Variants in SLMAP observed in about 807,000 individuals in gnomAD.
SLMAP encodes the protein sarcolemmal membrane-associated protein.
A neutral mutation model predicts 128.8 loss-of-function variants in SLMAP; 44 were observed. The observed-to-expected ratio is 0.34, with a 90% CI of 0.27 to 0.44. The LOEUF (loss-of-function observed/expected upper bound fraction) is 0.44, where lower values mean the gene tolerates loss of function less well. Ranked by LOEUF, SLMAP falls within the 20% of genes least tolerant of loss-of-function variation. SLMAP has a pLI of 1.00. For missense variants in SLMAP, 787 were observed against 985.3 expected (o/e 0.80, Z 2.69); for synonymous variants, 327 against 348.8 (o/e 0.94, Z 0.70).
At chr3:57,841,745 A>T (rs990025789) in intron 4 of SLMAP, among the ~76,000 whole-genome samples, 1 of 152,118 alleles carries the variant, frequency 6.6e-6, no homozygotes, top group Admixed American at 6.5e-5. Flanking sequence ...CACTTCTGGT[A>T]TTAATGCCAG....
intron 14 of SLMAP, among the ~76,000 whole-genome samples, chr3:57,878,455 A>G (rs1359135961): frequency 6.6e-6 from 1 of 152,086 alleles, no homozygotes; most frequent in Non-Finnish European, 1.5e-5. Context: ...CTTTTAGGTA[A>G]TGTTAACTCA....
At chr3:57,871,164 C>T (rs1221828157) in intron 13 of SLMAP, among the ~76,000 whole-genome samples, 2 of 152,074 alleles carry the variant, frequency 1.3e-5, no homozygotes, top group African/African-American at 4.8e-5. Flanking sequence ...ATATGTAAAA[C>T]TTATTACATC....
chr3:57,860,355 T>C (rs1305151198), intron 8 of SLMAP, among the ~76,000 whole-genome samples: 5 of 152,220 alleles, frequency 3.3e-5, no homozygotes, highest in Non-Finnish European at 5.9e-5. Context: ...GAATGCTTGG[T>C]GCCTTTGAAG....
intron 2 of SLMAP, among the ~76,000 whole-genome samples, chr3:57,774,656 C>T (rs922405447): frequency 5.3e-5 from 8 of 151,878 alleles, no homozygotes; most frequent in Non-Finnish European, 1.0e-4. Context: ...TCCCATGTAG[C>T]GGGCATTACA....
Position 57,928,435 on chromosome 3 carries a change from G to A in SLMAP, c.*1146G>A, listed in dbSNP as rs1576542756. 2 of 152,110 alleles carry A rather than the reference G, an allele frequency of 1.3e-5. No homozygotes were observed. The highest frequency in any genetic ancestry group is 1.9e-4 in the East Asian group (1 of 5,188). 9.4% of individuals were successfully genotyped at this position (152,110 alleles called of 1,614,324 possible). A position where few individuals can be genotyped will look rare whatever the true frequency, so the allele number is the denominator to read the frequency against. On this transcript the variant is annotated 3_prime_UTR_variant, in exon 25 of 25. Transcript: ENST00000671191. ...AAATTTCCTGGTTGGGTATGCAAAT[G>A]GTTATTTTCTTTTTATTGTTGTTAA...
At chr3:57,855,715 AAAAAAAAAAAC>A (rs1019838381) in intron 6 of SLMAP, among the ~76,000 whole-genome samples, 7 of 149,092 alleles carry the variant, frequency 4.7e-5, no homozygotes, top group Admixed American at 6.6e-5. Flanking sequence ...ATCTGTTAAA[AAAAAAAAAAAC>A]AAAAAAAAAA....
chr3:57,859,345 G>A (rs573402209), intron 8 of SLMAP, among the ~76,000 whole-genome samples: 22 of 151,616 alleles, frequency 1.5e-4, no homozygotes, highest in Non-Finnish European at 2.8e-4. Context: ...AAAAAGCGGG[G>A]GCAGTTTGAG....
At chr3:57,829,284 G>GT (rs1381800098) in intron 2 of SLMAP, among the ~76,000 whole-genome samples, 4 of 150,862 alleles carry the variant, frequency 2.7e-5, no homozygotes, top group Non-Finnish European at 5.9e-5. Context: ...TCCATTTTAT[G>GT]TTTTTTTAAA....
chr3:57,843,832 G>C (rs2094106543), intron 4 of SLMAP, among the ~76,000 whole-genome samples: 1 of 132,712 alleles, frequency 7.5e-6, no homozygotes, highest in African/African-American at 2.8e-5. Context: ...CCAGGCTGGA[G>C]TGCGGTGGGA....
At chr3:57,860,990 T>C (rs1299883579) in intron 9 of SLMAP, 151 bp downstream of exon 9, 1 of 637,612 alleles carries the variant, frequency 1.6e-6, no homozygotes, top group Non-Finnish European at 2.6e-6. Context: ...GCTGCTTTCA[T>C]TGACAGCAAT....
At chr3:57,773,339 A>G (rs1027395871) in intron 2 of SLMAP, among the ~76,000 whole-genome samples, 1 of 152,240 alleles carries the variant, frequency 6.6e-6, no homozygotes, top group African/African-American at 2.4e-5. Context: ...AAACTGTGAG[A>G]CTAAGCCACA....
intron 19 of SLMAP, among the ~76,000 whole-genome samples, chr3:57,911,858 G>A (rs760028812): frequency 9.0e-5 from 13 of 143,866 alleles, no homozygotes; most frequent in East Asian, 2.0e-4. Flanking sequence ...AATCAAGGGC[G>A]TCAACTGTTT....
intron 5 of SLMAP, among the ~76,000 whole-genome samples, chr3:57,848,453 T>C (rs961147592): frequency 6.6e-6 from 1 of 151,570 alleles, no homozygotes; most frequent in African/African-American, 2.4e-5. Flanking sequence ...TCCTTCTTCC[T>C]TCTTTCTTCT....
chr3:57,806,878 C>T (rs2089993133), intron 2 of SLMAP, among the ~76,000 whole-genome samples: 1 of 152,170 alleles, frequency 6.6e-6, no homozygotes, highest in South Asian at 2.1e-4. Flanking sequence ...TGGGTGTATA[C>T]CCAGTAATGT....
chr3:57,896,592 G>A lies in SLMAP; in HGVS notation c.1441+1G>A. On this transcript the variant is annotated splice_donor_variant, in intron 16 of 24. Coordinates refer to ENST00000671191, the MANE Select transcript of SLMAP (RefSeq NM_001377540.1). LOFTEE classifies it high-confidence loss of function. ...GAAAAAAGCAGTGACGACACTACAG[G>A]TGAGTTTTAACCTAATGTTTACAGA... The A allele has an allele frequency of 6.2e-7, 1 of 1,604,464 alleles. No individual in the cohort carries two copies. The highest frequency in any genetic ancestry group is 8.5e-7 in the Non-Finnish European group (1 of 1,175,100).
intron 14 of SLMAP, among the ~76,000 whole-genome samples, chr3:57,883,947 T>G (rs1057514902): frequency 6.6e-5 from 10 of 150,566 alleles, no homozygotes; most frequent in African/African-American, 2.4e-4. Context: ...CTTTTTTTTT[T>G]TTTTTTGAGA....
intron 3 of SLMAP, among the ~76,000 whole-genome samples, chr3:57,836,398 G>A (rs532394234): frequency 2.0e-5 from 3 of 152,176 alleles, no homozygotes; most frequent in Non-Finnish European, 4.4e-5. Flanking sequence ...GTATGTGTGT[G>A]TATCAGGATT....
At chr3:57,908,304 A>C (rs567969551) in intron 18 of SLMAP, among the ~76,000 whole-genome samples, 1 of 152,364 alleles carries the variant, frequency 6.6e-6, no homozygotes, top group Non-Finnish European at 1.5e-5. Flanking sequence ...TCAAATTTCT[A>C]AATTTTTATT....
At chr3:57,875,425 G>A (rs1190274359) in intron 14 of SLMAP, among the ~76,000 whole-genome samples, 1 of 152,172 alleles carries the variant, frequency 6.6e-6, no homozygotes, top group Non-Finnish European at 1.5e-5. Flanking sequence ...TGAAGCAGGA[G>A]GATCGCTTAA....
Sources: allele counts gnomAD v4.1 joint callset (sites outside exome capture counted in the v4.1 genomes callset), GRCh38; gene constraint gnomAD v4.1.1; transcripts MANE v1.5; gene names NCBI Gene and HGNC (gene_info 2026-07-23, HGNC 2026-07-21).